Variants in SLC12A6 observed in about 807,000 individuals in gnomAD.
SLC12A6 encodes the protein solute carrier family 12 member 6, also known as K-Cl cotransporter 3.
SLC12A6 carries 66 observed loss-of-function variants against 135.3 expected under a neutral mutation model. The ratio of observed to expected loss-of-function variants is 0.49; its 90% confidence interval spans 0.40 to 0.60. The LOEUF is 0.60. Ranked by LOEUF, SLC12A6 falls within the 20% of genes least tolerant of loss-of-function variation. The pLI, the probability that SLC12A6 is intolerant of heterozygous loss-of-function variation, is 0.00. For missense variants in SLC12A6, 1,058 were observed against 1,452.3 expected, an observed-to-expected ratio of 0.73 and a Z score of 4.41; for synonymous variants, 513 against 508.8, an observed-to-expected ratio of 1.01 and a Z score of -0.11.
chr15:34,275,298 G>A (rs764492524), intron 3 of SLC12A6, 47 bp downstream of exon 3: 2 of 963,280 alleles, frequency 2.1e-6, no homozygotes, highest in Non-Finnish European at 3.4e-6. Context: ...GGATAAATGA[G>A]TTAAGGGTGA....
At chr15:34,332,416 C>G (rs1300514216) in intron 2 of SLC12A6, among the ~76,000 whole-genome samples, 6 of 152,318 alleles carry the variant, frequency 3.9e-5, no homozygotes, top group Admixed American at 3.3e-4. Flanking sequence ...ATATTTCCTA[C>G]AATTAATACC....
chr15:34,256,090 T>TC, intron 7 of SLC12A6, 139 bp downstream of exon 7: 1 of 708,600 alleles, frequency 1.4e-6, no homozygotes, highest in South Asian at 1.5e-5. Flanking sequence ...TATGTCTACG[T>TC]CCTATAGACC....
In SLC12A6 at chr15:34,322,305, C is replaced by T. The variant is rs538511760; in HGVS notation, c.271+14105G>A. Among the ~76,000 whole-genome samples the T allele has an allele frequency of 2.4e-4, 36 of 151,654 alleles. 1 individual carries two copies. In the East Asian group the frequency reaches 4.5e-3, roughly 19 times the overall value. On this transcript the variant is annotated intron_variant, in intron 2 of 25. Coordinates refer to ENST00000354181, the MANE Select transcript of SLC12A6 (RefSeq NM_001365088.1). ...CTAAGGCAGGAGAATCACTTGAACC[C>T]GGGAGGCAGAGGTTGCGGTGAGCCG...
In SLC12A6 at chr15:34,238,410, A is replaced by G. The variant is rs932274687; in HGVS notation, c.2633-9T>C. 3 of 1,608,634 alleles carry G rather than the reference A, an allele frequency of 1.9e-6. No individual in the cohort carries two copies. Among genetic ancestry groups the G allele is most frequent in the South Asian group, 1.1e-5 (1 of 90,974 alleles). The stretch of plus-strand genomic sequence containing the variant: ...TGTCACTCGAACTGTGCCTAGGGAG[A>G]AAAAAGAATAAGCAGAGAAGAATCC... On this transcript the variant is annotated splice_polypyrimidine_tract_variant and intron_variant, in intron 20 of 25. Transcript: ENST00000354181.
At chr15:34,287,209 A>C (rs567642471) in intron 2 of SLC12A6, among the ~76,000 whole-genome samples, 5 of 152,062 alleles carry the variant, frequency 3.3e-5, no homozygotes, top group Admixed American at 6.6e-5. Context: ...TTCAACTCCC[A>C]CTTATGAGTG....
At chr15:34,295,173 G>C (rs1895800097) in intron 2 of SLC12A6, among the ~76,000 whole-genome samples, 1 of 152,084 alleles carries the variant, frequency 6.6e-6, no homozygotes, top group African/African-American at 2.4e-5. Flanking sequence ...CATTTTACAG[G>C]AAAGGCAAAG....
chr15:34,266,029 T>A (rs1893492862), intron 3 of SLC12A6, among the ~76,000 whole-genome samples: 1 of 148,288 alleles, frequency 6.7e-6, no homozygotes. Flanking sequence ...TTTTTTTTTT[T>A]TAAGAAGAGA....
At chr15:34,301,037 C>T (rs1195915409) in intron 2 of SLC12A6, among the ~76,000 whole-genome samples, 2 of 151,844 alleles carry the variant, frequency 1.3e-5, no homozygotes, top group African/African-American at 2.4e-5. Context: ...GGCGCGATCT[C>T]GGCTCACTGC....
In SLC12A6 at chr15:34,237,471, GC is replaced by G. The variant is rs1340175851; in HGVS notation, c.2881del (p.Ala961ProfsTer13). On this transcript the variant is annotated frameshift_variant, in exon 22 of 26. Transcript: ENST00000354181. LOFTEE classifies it high-confidence loss of function. ...DNSIQMKKDL[A>X]TFLYHLRIEA... ...AATGCGTAAGTGATATAGGAAGGTG[GC>G]TAGGTCCTTCTTCATTTGGATACTG... 1 of 1,612,798 alleles carries G rather than the reference GC, an allele frequency of 6.2e-7. No individual in the cohort carries two copies. Among genetic ancestry groups the G allele is most frequent in the Non-Finnish European group, 8.5e-7 (1 of 1,179,052 alleles).
intron 2 of SLC12A6, among the ~76,000 whole-genome samples, chr15:34,334,026 C>A (rs1006658753): frequency 2.0e-5 from 3 of 151,056 alleles, no homozygotes; most frequent in East Asian, 1.9e-4. Context: ...GTGGAGATTG[C>A]GCCCTTGTAC....
chr15:34,281,792 T>A (rs912298685), intron 2 of SLC12A6, among the ~76,000 whole-genome samples: 3 of 151,816 alleles, frequency 2.0e-5, no homozygotes, highest in Non-Finnish European at 4.4e-5. Flanking sequence ...GTCTCAAAAA[T>A]AAATAAATAA....
chr15:34,236,244 T>C, intron 23 of SLC12A6, 45 bp from the exon 24 acceptor site: 1 of 1,428,084 alleles, frequency 7.0e-7, no homozygotes, highest in Non-Finnish European at 9.9e-7. Context: ...AAATTTTCTC[T>C]TATGCTTCAT....
intron 5 of SLC12A6, among the ~76,000 whole-genome samples, chr15:34,258,020 GTGTTTAT>G: frequency 6.6e-6 from 1 of 152,146 alleles, no homozygotes; most frequent in Non-Finnish European, 1.5e-5. Flanking sequence ...GTTCCTGCAT[GTGTTTAT>G]TATACATAGG....
intron 2 of SLC12A6, among the ~76,000 whole-genome samples, chr15:34,307,242 A>G (rs1015399974): frequency 1.6e-4 from 24 of 152,384 alleles, no homozygotes; most frequent in African/African-American, 5.8e-4. Flanking sequence ...ATCCCTAAAT[A>G]TAAAGCATAT....
At chr15:34,302,331 C>A (rs775513668) in intron 2 of SLC12A6, among the ~76,000 whole-genome samples, 7 of 152,078 alleles carry the variant, frequency 4.6e-5, no homozygotes, top group Non-Finnish European at 1.0e-4. Flanking sequence ...AAAAAACTTA[C>A]TAAGAAATAA....
At chr15:34,282,377 C>G (rs1026675235) in intron 2 of SLC12A6, among the ~76,000 whole-genome samples, 5 of 152,164 alleles carry the variant, frequency 3.3e-5, no homozygotes, top group Non-Finnish European at 7.4e-5. Context: ...CATTTTGTAT[C>G]AAATACCTTG....
At chr15:34,302,827 A>G (rs1313397661) in intron 2 of SLC12A6, among the ~76,000 whole-genome samples, 1 of 150,666 alleles carries the variant, frequency 6.6e-6, no homozygotes, top group Non-Finnish European at 1.5e-5. Context: ...GTGGATGTCT[A>G]TAGTCCCAGC....
chr15:34,311,244 A>T (rs913494386), intron 2 of SLC12A6, among the ~76,000 whole-genome samples: 5 of 152,322 alleles, frequency 3.3e-5, no homozygotes, highest in African/African-American at 1.2e-4. Context: ...ATCCATAGGC[A>T]ATATAAGATT....
chr15:34,323,240 C>A (rs988185703), intron 2 of SLC12A6, among the ~76,000 whole-genome samples: 1 of 151,962 alleles, frequency 6.6e-6, no homozygotes, highest in Admixed American at 6.6e-5. Flanking sequence ...GATATGCAAA[C>A]CACTAAAAAC....
Sources: gnomAD v4.1 joint callset for allele counts (sites outside exome capture counted in the v4.1 genomes callset) on GRCh38, gnomAD v4.1.1 for gene constraint, MANE v1.5 for transcripts, NCBI Gene and HGNC (gene_info 2026-07-23, HGNC 2026-07-21) for gene names.